The following PRKG1 variants were observed in gnomAD, a reference collection of about 807,000 sequenced individuals.
PRKG1 encodes protein kinase cGMP-dependent 1.
A neutral mutation model predicts 88.1 loss-of-function variants in PRKG1; 35 were observed. The observed-to-expected ratio is 0.40, with a 90% confidence interval of 0.30 to 0.53. PRKG1 has a LOEUF of 0.53. Among genes scored for constraint, PRKG1 ranks in the 20% least tolerant of loss-of-function variants. The pLI, the probability that PRKG1 is intolerant of heterozygous loss-of-function variation, is 0.59. For missense variants in PRKG1, 540 were observed against 839.8 expected (o/e 0.64, Z 4.41); for synonymous variants, 303 against 292.5 (o/e 1.04, Z -0.37).
Position 51,353,688 on chromosome 10 carries a change from A to T in PRKG1, c.479-114035A>T, listed in dbSNP as rs577304381. Among the ~76,000 whole-genome samples the T allele has an allele frequency of 9.2e-5, 14 of 152,284 alleles. No homozygotes were observed. The East Asian group carries it at 2.7e-3, about 29-fold the overall frequency. ...TGTGGAGAAAAGAGAACCCTCATAC[A>T]CTGTTGGTGGGAATGTAAATTAATG... On this transcript the variant is annotated intron_variant, in intron 2 of 17. Transcript: ENST00000373980.
At chr10:52,291,151 G>T (rs1842232243) in intron 17 of PRKG1, among the ~76,000 whole-genome samples, 1 of 151,852 alleles carries the variant, frequency 6.6e-6, no homozygotes, top group South Asian at 2.1e-4. Flanking sequence ...TTGAATTCCT[G>T]ACCTCAAGTG....
chr10:52,054,180 T>A (rs1459414224), intron 5 of PRKG1, among the ~76,000 whole-genome samples: 1 of 152,124 alleles, frequency 6.6e-6, no homozygotes, highest in African/African-American at 2.4e-5. Flanking sequence ...GTCTTGAAAA[T>A]GAGCATTATA....
intron 2 of PRKG1, among the ~76,000 whole-genome samples, chr10:51,440,529 G>A (rs1839072355): frequency 6.6e-6 from 1 of 151,864 alleles, no homozygotes; most frequent in South Asian, 2.1e-4. Context: ...CAGATACAGT[G>A]TCAGATCTAC....
intron 2 of PRKG1, among the ~76,000 whole-genome samples, chr10:51,258,695 T>C (rs1480019106): frequency 2.0e-5 from 3 of 152,226 alleles, no homozygotes; most frequent in Non-Finnish European, 4.4e-5. Context: ...TGTTTGGTCA[T>C]CAGAGCTCTC....
rs547863123 is a variant in PRKG1 at position 51,613,187 on chromosome 10, C to T, written c.592+145351C>T. 2.0e-3 allele frequency among the ~76,000 whole-genome samples: 311 copies of T among 152,096 alleles called. 3 individuals are homozygous for T. The highest frequency in any genetic ancestry group is 3.7e-3 in the Non-Finnish European group (251 of 67,882). ...GTTTGAAAACTTTTTATTACTGATT[C>T]AATCTCATTACTCACTATTGGTCTG... On this transcript the variant is annotated intron_variant, in intron 3 of 17. Transcript: ENST00000373980.
intron 3 of PRKG1, among the ~76,000 whole-genome samples, chr10:51,574,742 G>A (rs1231726499): frequency 6.6e-6 from 1 of 151,866 alleles, no homozygotes; most frequent in Admixed American, 6.6e-5. Flanking sequence ...GATGGTATCT[G>A]GCACACAGTC....
chr10:51,731,463 T>A (rs1842269605), intron 3 of PRKG1, among the ~76,000 whole-genome samples: 1 of 152,190 alleles, frequency 6.6e-6, no homozygotes, highest in African/African-American at 2.4e-5. Flanking sequence ...TTTTTAGAAA[T>A]GTTTTCACAA....
intron 5 of PRKG1, among the ~76,000 whole-genome samples, chr10:51,979,611 C>CTTTTTTTTTTTTTT: frequency 1.4e-5 from 1 of 72,292 alleles, no homozygotes; most frequent in Non-Finnish European, 2.6e-5. Context: ...TGGTCCTGGG[C>CTTTTTTTTTTTTTT]TTTTTTTTTT....
At chr10:51,256,740 T>C (rs1839569787) in intron 2 of PRKG1, among the ~76,000 whole-genome samples, 1 of 151,950 alleles carries the variant, frequency 6.6e-6, no homozygotes, top group Admixed American at 6.6e-5. Flanking sequence ...ATTAGTTTGA[T>C]GAGGCATTCT....
At chr10:51,562,425 C>G (rs1039143352) in intron 3 of PRKG1, among the ~76,000 whole-genome samples, 3 of 152,024 alleles carry the variant, frequency 2.0e-5, no homozygotes, top group African/African-American at 7.2e-5. Context: ...TTCTGTTACT[C>G]AAGATTTCTA....
chr10:51,921,211 A>G (rs564374577), intron 5 of PRKG1, among the ~76,000 whole-genome samples: 4 of 152,234 alleles, frequency 2.6e-5, no homozygotes, highest in Admixed American at 1.3e-4. Context: ...TCAAATTTCA[A>G]TTATTCATGC....
rs548732633 is a variant in PRKG1 at position 51,477,682 on chromosome 10, C to T, written c.592+9846C>T. ...TTACTGTTCTGTAAAAGTTGTTATC[C>T]TCACAGTTGGTGCTATGAAAGCAAG... On this transcript the variant is annotated intron_variant, in intron 3 of 17. Coordinates refer to ENST00000373980, the MANE Select transcript of PRKG1 (RefSeq NM_006258.4). Among the ~76,000 whole-genome samples, 8 of 152,060 alleles carry T rather than the reference C, an allele frequency of 5.3e-5. No individual in the cohort carries two copies. In the South Asian group the frequency reaches 1.5e-3, roughly 28 times the overall value.
rs189870409 is a variant in PRKG1 at position 51,749,584 on chromosome 10, G to T, written c.593-55001G>T. Among the ~76,000 whole-genome samples, 511 of 152,236 alleles carry T rather than the reference G, an allele frequency of 3.4e-3. 6 individuals are homozygous for T. The highest frequency in any genetic ancestry group is 0.025 in the South Asian group (121 of 4,822). ...TCTCCAAATGTAGTCACATTTGGGG[G>T]TTAGATCTTCAACCTGTGAATGGAC... On this transcript the variant is annotated intron_variant, in intron 3 of 17. Transcript: ENST00000373980.
At chr10:52,129,109 TA>T (rs1027839690) in intron 7 of PRKG1, among the ~76,000 whole-genome samples, 7 of 152,196 alleles carry the variant, frequency 4.6e-5, no homozygotes, top group African/African-American at 1.7e-4. Context: ...GTTCAGTTTT[TA>T]AAAAATAATG....
chr10:51,590,532 T>C (rs1838285368), intron 3 of PRKG1, among the ~76,000 whole-genome samples: 2 of 152,206 alleles, frequency 1.3e-5, no homozygotes, highest in Admixed American at 1.3e-4. Flanking sequence ...AGAAAATTAT[T>C]CTGTCACCAA....
In PRKG1 at chr10:51,271,710, T is replaced by A. The variant is rs144542332; in HGVS notation, c.478+118380T>A. Among the ~76,000 whole-genome samples the A allele has an allele frequency of 3.5e-4, 54 of 152,328 alleles. No individual in the cohort carries two copies. In the East Asian group the frequency reaches 9.3e-3, roughly 26 times the overall value. On this transcript the variant is annotated intron_variant, in intron 2 of 17. Coordinates refer to ENST00000373980, the MANE Select transcript of PRKG1 (RefSeq NM_006258.4). ...TGGGTTAGTTTGCTGAGAATGATGG[T>A]TTCCAGCTTCATCCATGTCCCTGCA...
chr10:51,147,051 A>G (rs1845962079), intron 1 of PRKG1, among the ~76,000 whole-genome samples: 1 of 152,216 alleles, frequency 6.6e-6, no homozygotes, highest in Non-Finnish European at 1.5e-5. Flanking sequence ...TCACAGAAAT[A>G]TAAATACTGC....
intron 1 of PRKG1, among the ~76,000 whole-genome samples, chr10:51,086,956 G>C (rs964417053): frequency 4.6e-5 from 7 of 152,182 alleles, no homozygotes; most frequent in African/African-American, 1.7e-4. Context: ...CTTGGCAAGA[G>C]TGAGATTCTC....
intron 2 of PRKG1, among the ~76,000 whole-genome samples, chr10:51,157,817 A>C (rs1407424101): frequency 3.0e-5 from 4 of 132,060 alleles, no homozygotes; most frequent in African/African-American, 1.4e-4. Flanking sequence ...TTTTTTTTGC[A>C]TTTCAAATTT....
Sources: gnomAD v4.1 joint callset for allele counts (sites outside exome capture counted in the v4.1 genomes callset) on GRCh38, gnomAD v4.1.1 for gene constraint, MANE v1.5 for transcripts, NCBI Gene and HGNC (gene_info 2026-07-23, HGNC 2026-07-21) for gene names.